Variants in SLC9A7 observed in about 807,000 individuals in gnomAD.
SLC9A7 encodes solute carrier family 9 member A7.
In SLC9A7, 19 loss-of-function variants were observed where a neutral mutation model predicts 52.6. That is an observed-to-expected ratio of 0.36 (90% CI 0.25 to 0.53). The LOEUF is 0.53. Among genes scored for constraint, SLC9A7 ranks in the 20% least tolerant of loss-of-function variants. The pLI is 0.91. For synonymous variants in SLC9A7, 226 were observed against 252.1 expected, an observed-to-expected ratio of 0.90 and a Z score of 0.98; for missense variants, 455 against 597.9, an observed-to-expected ratio of 0.76 and a Z score of 2.49.
intron 4 of SLC9A7, among the ~76,000 whole-genome samples, chrX:46,671,310 G>C (rs750950655): frequency 9.0e-6 from 1 of 110,642 alleles, no homozygotes; most frequent in South Asian, 3.9e-4. Context: ...GCCCAGGCTG[G>C]AGTGCAATGG....
At chrX:46,741,050 C>A (rs1372571951) in intron 1 of SLC9A7, among the ~76,000 whole-genome samples, 3 of 111,724 alleles carry the variant, frequency 2.7e-5, no homozygotes, top group Non-Finnish European at 5.7e-5. Context: ...AAATGTAATA[C>A]CATCACAAAT....
intron 1 of SLC9A7, among the ~76,000 whole-genome samples, chrX:46,738,109 G>GAA (rs948026631): frequency 4.3e-5 from 2 of 46,623 alleles, no homozygotes; most frequent in Non-Finnish European, 1.5e-4. Context: ...GAAAGAAAGA[G>GAA]AAAAGAAAAG....
chrX:46,662,757 T>C, intron 5 of SLC9A7, 114 bp from the exon 6 acceptor site: 2 of 502,235 alleles, frequency 4.0e-6, no homozygotes, highest in East Asian at 7.4e-5. Context: ...ATTCAAGAGA[T>C]AGCAAGGGAG....
intron 1 of SLC9A7, among the ~76,000 whole-genome samples, chrX:46,689,629 T>G (rs1041067979): frequency 4.6e-5 from 5 of 108,786 alleles, no homozygotes; most frequent in African/African-American, 1.7e-4. Context: ...TTTGTTTAAG[T>G]TCTGGGATAC....
At chrX:46,624,754 C>G (rs1437081970) in intron 14 of SLC9A7, among the ~76,000 whole-genome samples, 2 of 112,443 alleles carry the variant, frequency 1.8e-5, no homozygotes, top group African/African-American at 6.5e-5. Flanking sequence ...ATTTGGCTAT[C>G]TTGTGTGGCT....
rs1053566250 is a variant in SLC9A7 at position 46,730,325 on chromosome X, G to C, written c.325+28380C>G. On this transcript the variant is annotated intron_variant, in intron 1 of 16. Transcript: ENST00000616978. ...GCTAAGCAAAATCTTTTTAAAAAAAGAAAATAAAGGAAATCTAGAACAACA... is the reference window on the plus strand; with the variant it reads ...GCTAAGCAAAATCTTTTTAAAAAAACAAAATAAAGGAAATCTAGAACAACA... 2.7e-5 allele frequency among the ~76,000 whole-genome samples: 3 copies of C among 109,778 alleles called. 1 individual carries two copies. The highest frequency in any genetic ancestry group is 9.8e-5 in the Admixed American group (1 of 10,177).
intron 1 of SLC9A7, among the ~76,000 whole-genome samples, chrX:46,734,900 G>A (rs1382845063): frequency 1.8e-5 from 2 of 111,590 alleles, no homozygotes; most frequent in Admixed American, 9.6e-5. Flanking sequence ...TCCAGCCCTC[G>A]GCAACCATTA....
At chrX:46,715,811 T>C (rs1479961708) in intron 1 of SLC9A7, among the ~76,000 whole-genome samples, 1 of 112,095 alleles carries the variant, frequency 8.9e-6, no homozygotes, top group Non-Finnish European at 1.9e-5. Context: ...GGCATTGTGT[T>C]AGATGATATT....
chrX:46,680,058 A>T (rs1414860580), intron 2 of SLC9A7, among the ~76,000 whole-genome samples: 1 of 111,950 alleles, frequency 8.9e-6, no homozygotes, highest in Non-Finnish European at 1.9e-5. Flanking sequence ...TGTTTTTCAT[A>T]AAAACATCTT....
chrX:46,758,194 T>C (rs1922819873), intron 1 of SLC9A7, among the ~76,000 whole-genome samples: 1 of 111,400 alleles, frequency 9.0e-6, no homozygotes, highest in Non-Finnish European at 1.9e-5. Context: ...CCTGGGAATG[T>C]GGACCTCAGG....
In SLC9A7 at chrX:46,601,216, C is replaced by T; in HGVS notation, c.*5736G>A. On this transcript the variant is annotated 3_prime_UTR_variant, in exon 17 of 17. Coordinates refer to ENST00000616978, the MANE Select transcript of SLC9A7 (RefSeq NM_001257291.2). ...ACTCTTAGAACTCACAACGGGTGCA[C>T]AGTAGGTTTCCAAGTGGGTGATTTT... The T allele has an allele frequency of 1.8e-5, 2 of 112,361 alleles. No individual in the cohort carries two copies. Among genetic ancestry groups the T allele is most frequent in the Middle Eastern group, 4.6e-3 (1 of 219 alleles). 9.3% of individuals were successfully genotyped at this position (112,361 alleles called of 1,213,427 possible). A position where few individuals can be genotyped will look rare whatever the true frequency, so the allele number is the denominator to read the frequency against.
chrX:46,751,891 T>C (rs1352446928), intron 1 of SLC9A7, among the ~76,000 whole-genome samples: 1 of 112,067 alleles, frequency 8.9e-6, no homozygotes, highest in Non-Finnish European at 1.9e-5. Flanking sequence ...TCAAACAGTG[T>C]TAATCAGTGC....
At chrX:46,706,818 A>G (rs896687520) in intron 1 of SLC9A7, among the ~76,000 whole-genome samples, 1 of 111,239 alleles carries the variant, frequency 9.0e-6, no homozygotes, top group Non-Finnish European at 1.9e-5. Context: ...TCAGCTCACC[A>G]CCACCTCCGC....
chrX:46,748,391 G>GGAAGGAAGGAAA (rs1921967433), intron 1 of SLC9A7, among the ~76,000 whole-genome samples: 3 of 102,132 alleles, frequency 2.9e-5, no homozygotes, highest in African/African-American at 1.1e-4. Context: ...AAGGAAGGAA[G>GGAAGGAAGGAAA]GAAGGAAGGA....
chrX:46,701,354 G>A (rs946373676), intron 1 of SLC9A7, among the ~76,000 whole-genome samples: 4 of 111,385 alleles, frequency 3.6e-5, no homozygotes, highest in Non-Finnish European at 5.7e-5. Flanking sequence ...TTGGGAGGCC[G>A]AGGCGGGTGG....
chrX:46,672,624 G>A lies in SLC9A7; in HGVS notation c.607C>T (p.His203Tyr), dbSNP rs1944042564. ...FHAGYSLKKRHFFRNLGSILA... is the reference protein window; with the variant it reads ...FHAGYSLKKRYFFRNLGSILA... ...ATAGATCCAAGATTTCTGAAAAAGT[G>A]TCTCTGAATAAAACAAACAAACAAA... is the stretch of plus-strand genomic sequence containing the variant. The change falls in exon 4 of 17, where the codon CAC becomes TAC. Residue 203 changes from histidine (H) to tyrosine (Y), a missense_variant. His to Tyr is a moderately conservative substitution (Grantham distance 83). Transcript: ENST00000616978. 2 of 1,188,623 alleles carry A rather than the reference G, an allele frequency of 1.7e-6. No individual in the cohort carries two copies. The highest frequency in any genetic ancestry group is 1.8e-5 in the South Asian group (1 of 55,008).
intron 11 of SLC9A7, 77 bp from the exon 12 acceptor site, chrX:46,643,466 G>A (rs1943439270): frequency 9.8e-7 from 1 of 1,019,162 alleles, no homozygotes; most frequent in African/African-American, 1.8e-5. Flanking sequence ...GCTGCCATTT[G>A]GGGCTAATAA....
intron 11 of SLC9A7, chrX:46,646,645 G>A (rs1193389600): frequency 1.9e-5 from 5 of 261,754 alleles, no homozygotes; most frequent in South Asian, 5.2e-5. Context: ...CTTTATGCAC[G>A]GTCTCTTCAT....
At chrX:46,687,222 C>T (rs992594155) in intron 1 of SLC9A7, among the ~76,000 whole-genome samples, 25 of 111,580 alleles carry the variant, frequency 2.2e-4, no homozygotes, top group African/African-American at 8.1e-4. Context: ...TGTTAATAAG[C>T]CTTTGTTACG....
Sources: allele counts gnomAD v4.1 joint callset (sites outside exome capture counted in the v4.1 genomes callset), GRCh38; gene constraint gnomAD v4.1.1; transcripts MANE v1.5; gene names NCBI Gene and HGNC (gene_info 2026-07-23, HGNC 2026-07-21).